The following HPCAL1 variants were observed in gnomAD, a reference collection of about 807,000 sequenced individuals.
HPCAL1 encodes the protein hippocalcin-like protein 1.
HPCAL1 carries 8 observed loss-of-function variants against 17.1 expected under a neutral mutation model. The observed-to-expected ratio is 0.47, with a 90% CI of 0.27 to 0.84. The LOEUF (loss-of-function observed/expected upper bound fraction) is 0.84. HPCAL1 is among the 40% of genes least tolerant of loss of function. The pLI, the probability that HPCAL1 is intolerant of heterozygous loss-of-function variation, is 0.13. For missense variants in HPCAL1, 165 were observed against 271.1 expected (o/e 0.61, Z 2.75); for synonymous variants, 112 against 111.4 (o/e 1.01, Z -0.03).
intron 1 of HPCAL1, among the ~76,000 whole-genome samples, chr2:10,347,255 C>G (rs1004285602): frequency 1.3e-5 from 2 of 152,100 alleles, no homozygotes; most frequent in Non-Finnish European, 2.9e-5. Context: ...CTTGGTCACC[C>G]AGCCCCCGGC....
Position 10,419,220 on chromosome 2 carries a change from CAAACAAAT to C in HPCAL1, c.-24-502_-24-495del, listed in dbSNP as rs889196780. ...GAGCAAAACTCCATCTCAAAAGAAACAAACAAATAAACAAATAAAGAAGGTGGGTGGGG... is the reference window on the plus strand; with the variant it reads ...GAGCAAAACTCCATCTCAAAAGAAACAAACAAATAAAGAAGGTGGGTGGGG... On this transcript the variant is annotated intron_variant, in intron 2 of 4. Transcript: ENST00000307845. The surrounding 1 kb of genome is among the most constrained non-coding windows in gnomAD (Gnocchi z 5.0). Among the ~76,000 whole-genome samples, 48 of 146,472 alleles carry C rather than the reference CAAACAAAT, an allele frequency of 3.3e-4. No homozygotes were observed. The highest frequency in any genetic ancestry group is 1.1e-3 in the African/African-American group (45 of 39,788).
intron 1 of HPCAL1, among the ~76,000 whole-genome samples, chr2:10,388,489 C>T (rs1048098669): frequency 2.0e-5 from 3 of 152,314 alleles, no homozygotes; most frequent in Middle Eastern, 3.4e-3. Flanking sequence ...GACAACACAT[C>T]GTGTTTCGAG....
chr2:10,396,071 C>T (rs1669006665), intron 1 of HPCAL1, among the ~76,000 whole-genome samples: 1 of 152,222 alleles, frequency 6.6e-6, no homozygotes, highest in Non-Finnish European at 1.5e-5. Context: ...TGTGCCAGAG[C>T]TGGCAGTGAG....
At chr2:10,412,464 T>C (rs978499278) in intron 2 of HPCAL1, among the ~76,000 whole-genome samples, 1 of 152,128 alleles carries the variant, frequency 6.6e-6, no homozygotes, top group South Asian at 2.1e-4. Context: ...TGCTTCCAGG[T>C]GCCCAGCAAG....
At chr2:10,373,993 C>T (rs567634526) in intron 1 of HPCAL1, among the ~76,000 whole-genome samples, 4 of 152,302 alleles carry the variant, frequency 2.6e-5, no homozygotes, top group East Asian at 1.9e-4. Flanking sequence ...TGGGAAAGTC[C>T]GTCCTGGCCA....
In HPCAL1 at chr2:10,310,078, T is replaced by C. The variant is rs76200438; in HGVS notation, c.-111+6901T>C. Among the ~76,000 whole-genome samples, 2,726 of 152,290 alleles carry C rather than the reference T, an allele frequency of 0.018. 77 individuals are homozygous for C. The highest frequency in any genetic ancestry group is 0.063 in the African/African-American group (2,597 of 41,526). ...GGCTGGTGATGGTCTCTGAATCTGT[T>C]TGCTCAGGTGCAGAAAGGGGTTTTA... On this transcript the variant is annotated intron_variant, in intron 1 of 4. Coordinates refer to ENST00000307845, the MANE Select transcript of HPCAL1 (RefSeq NM_002149.4). The surrounding 1 kb of genome is among the most constrained non-coding windows in gnomAD (Gnocchi z 4.5).
intron 1 of HPCAL1, among the ~76,000 whole-genome samples, chr2:10,352,117 GGTC>G (rs1665880478): frequency 6.6e-6 from 1 of 152,018 alleles, no homozygotes; most frequent in Non-Finnish European, 1.5e-5. Context: ...TGGCCAGGCT[GGTC>G]GCAAACTCCT....
chr2:10,364,194 C>T (rs1666703089), intron 1 of HPCAL1, among the ~76,000 whole-genome samples: 1 of 152,214 alleles, frequency 6.6e-6, no homozygotes, highest in Non-Finnish European at 1.5e-5. Flanking sequence ...TAGAGAGCAC[C>T]CAGAGGCGGG....
chr2:10,328,767 T>A (rs1412014978), intron 1 of HPCAL1, among the ~76,000 whole-genome samples: 2 of 152,108 alleles, frequency 1.3e-5, no homozygotes, highest in African/African-American at 4.8e-5. Flanking sequence ...TCTATATATT[T>A]ATTGGCTCTG....
chr2:10,326,658 G>C (rs912048653), intron 1 of HPCAL1, among the ~76,000 whole-genome samples: 2 of 152,222 alleles, frequency 1.3e-5, no homozygotes, highest in African/African-American at 2.4e-5. Flanking sequence ...CTGGAGACCT[G>C]CTGAGCCCCT....
At chr2:10,402,555 A>G (rs745433965) in intron 2 of HPCAL1, among the ~76,000 whole-genome samples, 1 of 152,034 alleles carries the variant, frequency 6.6e-6, no homozygotes, top group Non-Finnish European at 1.5e-5. Flanking sequence ...TTAACTCCAG[A>G]CTGTAGCTGC....
intron 4 of HPCAL1, chr2:10,426,413 CG>C (rs1671410670): frequency 1.1e-4 from 39 of 352,332 alleles, no homozygotes; most frequent in South Asian, 1.0e-3. Context: ...ACAGTGTACA[CG>C]TTCCTTAATA....
intron 1 of HPCAL1, among the ~76,000 whole-genome samples, chr2:10,306,741 G>A (rs927161408): frequency 9.2e-5 from 14 of 152,298 alleles, no homozygotes; most frequent in African/African-American, 3.4e-4. Flanking sequence ...GATGAGCAGG[G>A]CGCAAGTCTC....
At chr2:10,348,319 C>T (rs1201799219) in intron 1 of HPCAL1, among the ~76,000 whole-genome samples, 2 of 152,040 alleles carry the variant, frequency 1.3e-5, no homozygotes, top group Non-Finnish European at 2.9e-5. Flanking sequence ...CATGGTGGTA[C>T]ACACCTGTAA....
chr2:10,317,497 A>C (rs1048198326), intron 1 of HPCAL1, among the ~76,000 whole-genome samples: 1 of 149,544 alleles, frequency 6.7e-6, no homozygotes, highest in African/African-American at 2.5e-5. Context: ...GGTTCACTGC[A>C]TCCTGTGCCT....
intron 1 of HPCAL1, among the ~76,000 whole-genome samples, chr2:10,392,079 A>G (rs1200276104): frequency 6.6e-6 from 1 of 150,922 alleles, no homozygotes; most frequent in Non-Finnish European, 1.5e-5. Flanking sequence ...GTCTCGATCT[A>G]TCCCTCGGGC....
rs181680231 is a variant in HPCAL1, at chr2:10,318,620, C to A, written c.-111+15443C>A. ...CAGCCGGTGATTGGCCGGGTGGGCT[C>A]GGTTTTCTAGTGGCAAAGGATGCTG... is the stretch of plus-strand genomic sequence containing the variant. On this transcript the variant is annotated intron_variant, in intron 1 of 4. Coordinates refer to ENST00000307845, the MANE Select transcript of HPCAL1 (RefSeq NM_002149.4). 2.2e-4 allele frequency among the ~76,000 whole-genome samples: 33 copies of A among 152,242 alleles called. 1 individual carries two copies. The highest frequency in any genetic ancestry group is 2.0e-3 in the Admixed American group (30 of 15,292).
In HPCAL1 at chr2:10,327,593, C is replaced by A. The variant is rs741262; in HGVS notation, c.-111+24416C>A. Among the ~76,000 whole-genome samples, 815 of 152,260 alleles carry A rather than the reference C, an allele frequency of 5.4e-3. 4 individuals are homozygous for A. Among genetic ancestry groups the A allele is most frequent in the Middle Eastern group, 0.017 (5 of 294 alleles). The stretch of plus-strand genomic sequence containing the variant: ...TTTATAGAGCGTAGTATATATTCAA[C>A]TAACTGCATTTGTGTTAGTTCCTTT... On this transcript the variant is annotated intron_variant, in intron 1 of 4. Transcript: ENST00000307845.
In HPCAL1 at chr2:10,344,991, C is replaced by T. The variant is rs1665327948; in HGVS notation, c.-111+41814C>T. Among the ~76,000 whole-genome samples the T allele has an allele frequency of 6.6e-6, 1 of 152,068 alleles. No individual in the cohort carries two copies. Among genetic ancestry groups the T allele is most frequent in the Non-Finnish European group, 1.5e-5 (1 of 68,020 alleles). ...TCTCTCTCTCTTTTTCTGTGTGTCT[C>T]TCTCTCTGTGCCTTTCAGTCTCTTT... On this transcript the variant is annotated intron_variant, in intron 1 of 4. Coordinates refer to ENST00000307845, the MANE Select transcript of HPCAL1 (RefSeq NM_002149.4). This position sits in a 1 kb window ranked among gnomAD's most constrained non-coding sequence, Gnocchi z 4.9.
Sources: gnomAD v4.1 joint callset for allele counts (sites outside exome capture counted in the v4.1 genomes callset) on GRCh38, gnomAD v4.1.1 for gene constraint, Gnocchi (gnomAD v3.1) non-coding constraint, MANE v1.5 for transcripts, NCBI Gene and HGNC (gene_info 2026-07-23, HGNC 2026-07-21) for gene names.